Variants in HNRNPLL observed in about 807,000 individuals in gnomAD.
HNRNPLL encodes the protein heterogeneous nuclear ribonucleoprotein L-like.
HNRNPLL carries 25 observed loss-of-function variants against 67.1 expected under a neutral mutation model. The ratio of observed to expected loss-of-function variants is 0.37; its 90% CI spans 0.27 to 0.52. The LOEUF is 0.52. HNRNPLL is among the 20% of genes least tolerant of loss of function. HNRNPLL has a pLI of 0.90. For synonymous variants in HNRNPLL, 267 were observed against 241.7 expected (o/e 1.10, Z -0.97); for missense variants, 542 against 673.9 (o/e 0.80, Z 2.17).
rs555303643 is a variant in HNRNPLL at position 38,564,996 on chromosome 2, G to GA, written c.1574-760dup. Reference sequence around the variant, plus strand: ...GGGGTACATAAGTTTTGAAATTACTGAAAAAAAAAAAACAAACCAACTGGG... The same window carrying GA: ...GGGGTACATAAGTTTTGAAATTACTGAAAAAAAAAAAAACAAACCAACTGGG... On this transcript the variant is annotated intron_variant, in intron 12 of 12. Transcript: ENST00000449105. 6.1e-3 allele frequency among the ~76,000 whole-genome samples: 723 copies of GA among 118,190 alleles called. 4 individuals carry two copies. Among genetic ancestry groups the GA allele is most frequent in the African/African-American group, 0.013 (392 of 30,784 alleles). 77.5% of individuals were successfully genotyped at this position (118,190 alleles called of 152,430 possible). A position where few individuals can be genotyped will look rare whatever the true frequency, so the allele number is the denominator to read the frequency against.
chr2:38,572,542 A>G (rs150524636), intron 8 of HNRNPLL, among the ~76,000 whole-genome samples: 2 of 152,204 alleles, frequency 1.3e-5, no homozygotes, highest in Non-Finnish European at 2.9e-5. Context: ...ATTTTCCATG[A>G]TTCTTTCAAA....
intron 6 of HNRNPLL, chr2:38,580,926 T>C (rs1376015991): frequency 6.6e-6 from 1 of 152,186 alleles, no homozygotes; most frequent in African/African-American, 2.4e-5. Flanking sequence ...AAGTGACAAC[T>C]TATAAACAGC....
chr2:38,577,311 A>G (rs75047903), intron 7 of HNRNPLL, 150 bp downstream of exon 7: 102 of 529,272 alleles, frequency 1.9e-4, no homozygotes, highest in African/African-American at 1.2e-3. Context: ...ATTTTGGACA[A>G]CTCCTGGGAG....
At chr2:38,575,447 C>A (rs1190180469) in intron 7 of HNRNPLL, among the ~76,000 whole-genome samples, 1 of 151,766 alleles carries the variant, frequency 6.6e-6, no homozygotes, top group African/African-American at 2.4e-5. Context: ...CAAATTAATA[C>A]ACAAACTCTT....
At chr2:38,578,822 G>C (rs1666407386) in intron 6 of HNRNPLL, among the ~76,000 whole-genome samples, 1 of 152,014 alleles carries the variant, frequency 6.6e-6, no homozygotes. Context: ...GGGCCTTACA[G>C]ACTTAGTCGT....
intron 12 of HNRNPLL, chr2:38,567,934 G>C: frequency 3.4e-6 from 1 of 296,918 alleles, no homozygotes; most frequent in Non-Finnish European, 6.3e-6. Flanking sequence ...TCCTAAGCCC[G>C]AATTGCCCAG....
At chr2:38,596,728 T>C (rs766384359) in intron 1 of HNRNPLL, among the ~76,000 whole-genome samples, 4 of 152,180 alleles carry the variant, frequency 2.6e-5, no homozygotes, top group East Asian at 1.9e-4. Flanking sequence ...TCTTTCCTCA[T>C]ACAGGAGCCC....
intron 1 of HNRNPLL, among the ~76,000 whole-genome samples, chr2:38,598,207 G>A (rs1170548775): frequency 6.6e-6 from 1 of 152,154 alleles, no homozygotes; most frequent in African/African-American, 2.4e-5. Context: ...ATTAGACGGG[G>A]GAAGAGGGGA....
At position 38,573,058 on chromosome 2, in the gene HNRNPLL, A is replaced by G. The variant is rs191251120; in HGVS notation, c.1092+152T>C. ...TACTTATCAACAAAAAACATTTTCCAGAGTTCCTATATAATAGATTTTTAG... is the reference window on the plus strand; with the variant it reads ...TACTTATCAACAAAAAACATTTTCCGGAGTTCCTATATAATAGATTTTTAG... On this transcript the variant is annotated intron_variant, in intron 8 of 12. Coordinates refer to ENST00000449105, the MANE Select transcript of HNRNPLL (RefSeq NM_138394.4). 3.7e-4 allele frequency: 220 copies of G among 598,676 alleles called. No individual in the cohort carries two copies. In the African/African-American group the frequency reaches 3.9e-3, roughly 11 times the overall value. The allele number at this position is 598,676 out of a possible 1,614,324, so 37.1% of individuals were successfully genotyped here.
In HNRNPLL at chr2:38,600,648, G is replaced by A. The variant is rs545133588; in HGVS notation, c.189+1790C>T. ...CCCGGGAGGCTGAGGTAGGAGGATC[G>A]CTTGAGACAGGGAGATCAAGGCTGC... On this transcript the variant is annotated intron_variant, in intron 1 of 12. Coordinates refer to ENST00000449105, the MANE Select transcript of HNRNPLL (RefSeq NM_138394.4). 4.0e-5 allele frequency among the ~76,000 whole-genome samples: 6 copies of A among 151,838 alleles called. No homozygotes were observed. The South Asian group carries it at 1.3e-3, about 32-fold the overall frequency.
chr2:38,568,577 A>T, intron 10 of HNRNPLL, 134 bp from the exon 11 acceptor site: 1 of 610,712 alleles, frequency 1.6e-6, no homozygotes, highest in Non-Finnish European at 2.9e-6. Flanking sequence ...TGTTTTCTAC[A>T]TTAATATCAA....
At chr2:38,565,949 C>T in intron 12 of HNRNPLL, 4 of 815,762 alleles carry the variant, frequency 4.9e-6, no homozygotes, top group Non-Finnish European at 5.9e-6. Context: ...GATGTTATTC[C>T]AGCCATAAAT....
intron 6 of HNRNPLL, chr2:38,577,797 A>C (rs896337667): frequency 2.5e-5 from 12 of 474,738 alleles, no homozygotes; most frequent in African/African-American, 2.4e-4. Context: ...AAATTTAAGG[A>C]AGAATGGATA....
In HNRNPLL at chr2:38,599,716, G is replaced by A. The variant is rs561622020; in HGVS notation, c.189+2722C>T. Among the ~76,000 whole-genome samples the A allele has an allele frequency of 5.3e-5, 8 of 152,250 alleles. No individual in the cohort carries two copies. The East Asian group carries it at 1.5e-3, about 29-fold the overall frequency. ...TTATCCATTCATTTCTAAGTTAAGAGCCTTTGTAGAACCACTATGTTTTTC... is the reference window on the plus strand; with the variant it reads ...TTATCCATTCATTTCTAAGTTAAGAACCTTTGTAGAACCACTATGTTTTTC... On this transcript the variant is annotated intron_variant, in intron 1 of 12. Coordinates refer to ENST00000449105, the MANE Select transcript of HNRNPLL (RefSeq NM_138394.4).
chr2:38,583,878 C>CA lies in HNRNPLL; in HGVS notation c.594dup (p.Val199CysfsTer13). ...TGTATCCCATTTCTCTTGAATATAA[C>CA]AATACGTTGCACTTTGCCAACAGGG... On this transcript the variant is annotated frameshift_variant, in exon 4 of 13. Coordinates refer to ENST00000449105, the MANE Select transcript of HNRNPLL (RefSeq NM_138394.4). LOFTEE classifies it high-confidence loss of function. The CA allele has an allele frequency of 6.4e-7, 1 of 1,572,262 alleles. No individual in the cohort carries two copies. The highest frequency in any genetic ancestry group is 8.7e-7 in the Non-Finnish European group (1 of 1,149,032).
intron 12 of HNRNPLL, 88 bp downstream of exon 12, chr2:38,568,111 T>C: frequency 1.3e-6 from 1 of 777,492 alleles, no homozygotes; most frequent in Non-Finnish European, 2.1e-6. Flanking sequence ...AAGAAGCCTA[T>C]TAAGTGTTAT....
intron 1 of HNRNPLL, 99 bp downstream of exon 1, chr2:38,602,339 C>T (rs1309636074): frequency 1.8e-5 from 22 of 1,190,168 alleles, no homozygotes; most frequent in Non-Finnish European, 2.6e-5. Flanking sequence ...GTCGGCGCAG[C>T]GGAAAAGGCT....
At chr2:38,584,525 A>T (rs1322966255) in intron 3 of HNRNPLL, among the ~76,000 whole-genome samples, 4 of 152,190 alleles carry the variant, frequency 2.6e-5, no homozygotes, top group African/African-American at 7.2e-5. Context: ...ATAACTTCTG[A>T]TGATATAAAA....
At chr2:38,572,615 C>T (rs2148344132) in intron 8 of HNRNPLL, among the ~76,000 whole-genome samples, 1 of 152,172 alleles carries the variant, frequency 6.6e-6, no homozygotes, top group South Asian at 2.1e-4. Context: ...GGGGAAAACA[C>T]AGTTATTTGA....
Sources: gnomAD v4.1 joint callset for allele counts (sites outside exome capture counted in the v4.1 genomes callset) on GRCh38, gnomAD v4.1.1 for gene constraint, MANE v1.5 for transcripts, NCBI Gene and HGNC (gene_info 2026-07-23, HGNC 2026-07-21) for gene names.